KLHL29: variants seen among roughly 807,000 people sequenced by gnomAD.
KLHL29 encodes the protein kelch like family member 29.
KLHL29 carries 21 observed loss-of-function variants against 80.4 expected under a neutral mutation model. The ratio of observed to expected loss-of-function variants is 0.26; its 90% CI spans 0.19 to 0.38. The LOEUF is 0.38. KLHL29 is among the 10% of genes least tolerant of loss of function. The pLI, the probability that KLHL29 is intolerant of heterozygous loss-of-function variation, is 1.00. For synonymous variants in KLHL29, 511 were observed against 526.8 expected (o/e 0.97, Z 0.41); for missense variants, 867 against 1,223.9 (o/e 0.71, Z 4.35).
intron 2 of KLHL29, among the ~76,000 whole-genome samples, chr2:23,548,088 T>TG (rs1187650332): frequency 1.3e-5 from 2 of 152,072 alleles, no homozygotes; most frequent in Non-Finnish European, 2.9e-5. Context: ...GGCAGGGCCC[T>TG]GGGGACACTG....
intron 2 of KLHL29, among the ~76,000 whole-genome samples, chr2:23,556,945 G>T (rs540324598): frequency 3.5e-4 from 54 of 152,310 alleles, no homozygotes; most frequent in Middle Eastern, 6.8e-3. Context: ...CCCCACCCAG[G>T]TTCGAGTCCT....
intron 1 of KLHL29, among the ~76,000 whole-genome samples, chr2:23,389,525 T>C (rs988293951): frequency 6.6e-6 from 1 of 151,246 alleles, no homozygotes; most frequent in African/African-American, 2.4e-5. Flanking sequence ...ATCCAGCCTT[T>C]AGTTGTGCTG....
chr2:23,542,168 C>G (rs1012197892), intron 2 of KLHL29, among the ~76,000 whole-genome samples: 36 of 152,206 alleles, frequency 2.4e-4, no homozygotes, highest in African/African-American at 8.4e-4. Flanking sequence ...AAAATAGCCT[C>G]TCAGAATTTA....
chr2:23,673,860 G>A (rs1670850238), intron 5 of KLHL29, among the ~76,000 whole-genome samples: 1 of 84,480 alleles, frequency 1.2e-5, no homozygotes, highest in African/African-American at 3.1e-5. Flanking sequence ...CCACACCCTT[G>A]TACCCACCAC....
chr2:23,666,270 C>T (rs1670550687), intron 5 of KLHL29, among the ~76,000 whole-genome samples: 1 of 152,200 alleles, frequency 6.6e-6, no homozygotes, highest in Non-Finnish European at 1.5e-5. Flanking sequence ...GTGCCTTTTC[C>T]AAGGCCGCCT....
chr2:23,665,071 G>A (rs781505940), intron 5 of KLHL29, among the ~76,000 whole-genome samples: 3 of 152,252 alleles, frequency 2.0e-5, no homozygotes, highest in Non-Finnish European at 4.4e-5. Context: ...GCTGGTGGCT[G>A]AGCTAGAGCC....
intron 8 of KLHL29, among the ~76,000 whole-genome samples, chr2:23,694,485 ACACTGAACATCTCATCCATCCACTCAAAC>A: frequency 6.6e-6 from 1 of 152,140 alleles, no homozygotes; most frequent in Non-Finnish European, 1.5e-5. Flanking sequence ...CTCTAAAAGC[ACACTGAACATCTCATCCATCCACTCAAAC>A]CCCTCCTCAG....
chr2:23,660,891 CGTGGT>C (rs1378172822), intron 5 of KLHL29, among the ~76,000 whole-genome samples: 1 of 152,010 alleles, frequency 6.6e-6, no homozygotes, highest in East Asian at 1.9e-4. Flanking sequence ...GTCAGCCAGG[CGTGGT>C]GGCAGGCGCC....
intron 3 of KLHL29, among the ~76,000 whole-genome samples, chr2:23,629,716 T>G (rs1452519973): frequency 1.3e-5 from 2 of 152,226 alleles, no homozygotes; most frequent in African/African-American, 4.8e-5. Context: ...AGGTATAGAC[T>G]TTGATGTTGG....
intron 2 of KLHL29, among the ~76,000 whole-genome samples, chr2:23,488,014 G>A (rs936171063): frequency 7.2e-5 from 11 of 152,186 alleles, no homozygotes; most frequent in Non-Finnish European, 1.5e-4. Flanking sequence ...GGCCAGTGAT[G>A]TGGTCAGGAC....
At position 23,658,829 on chromosome 2, in the gene KLHL29, C is replaced by T. The variant is rs570247688; in HGVS notation, c.940+15979C>T. 5.7e-4 allele frequency among the ~76,000 whole-genome samples: 87 copies of T among 152,296 alleles called. 4 individuals carry two copies. Among genetic ancestry groups the T allele is most frequent in the African/African-American group, 9.6e-5 (4 of 41,574 alleles). On this transcript the variant is annotated intron_variant, in intron 5 of 13. Coordinates refer to ENST00000486442, the MANE Select transcript of KLHL29 (RefSeq NM_052920.2). ...CCTTGCGCCGCTCAAATTGCTGGGC[C>T]GGTCAGAGGGCCTGGGAACCAGGTC...
At chr2:23,429,907 T>C (rs948922936) in intron 1 of KLHL29, among the ~76,000 whole-genome samples, 5 of 152,256 alleles carry the variant, frequency 3.3e-5, no homozygotes, top group African/African-American at 1.2e-4. Flanking sequence ...TCAATTTTTT[T>C]AATACTTGGC....
In KLHL29 at chr2:23,457,024, G is replaced by A. The variant is rs1288121124; in HGVS notation, c.-153-18536G>A. 6.6e-6 allele frequency among the ~76,000 whole-genome samples: 1 copy of A among 152,216 alleles called. No individual in the cohort carries two copies. The highest frequency in any genetic ancestry group is 1.5e-5 in the Non-Finnish European group (1 of 68,042). ...AGGGTGGCGGCATCTCAGGTGTCAG[G>A]GCCGGAGCAGCAGAGGTCGAGGCCT... On this transcript the variant is annotated intron_variant, in intron 1 of 13. Coordinates refer to ENST00000486442, the MANE Select transcript of KLHL29 (RefSeq NM_052920.2). The surrounding 1 kb of genome is among the most constrained non-coding windows in gnomAD (Gnocchi z 4.3).
At position 23,642,530 on chromosome 2, in the gene KLHL29, C is replaced by T; in HGVS notation, c.620C>T (p.Pro207Leu). The change falls in exon 5 of 14, where the codon CCT becomes CTT. Residue 207 changes from proline to leucine, a missense_variant. Physicochemically the swap from Pro to Leu is moderately conservative, Grantham distance 98. Transcript: ENST00000486442. Reference protein sequence around the residue: ...LPLMPGHYSLPQPPSQPLSSV... With the variant: ...LPLMPGHYSLLQPPSQPLSSV... ...CTGATGCCAGGCCACTACTCGCTCC[C>T]TCAGCCGCCCTCTCAGCCACTGAGC... 1 of 1,537,598 alleles carries T rather than the reference C, an allele frequency of 6.5e-7. No individual in the cohort carries two copies.
intron 4 of KLHL29, among the ~76,000 whole-genome samples, chr2:23,640,208 C>T (rs1283442324): frequency 6.6e-6 from 1 of 152,212 alleles, no homozygotes; most frequent in African/African-American, 2.4e-5. Context: ...CTCTTAGACA[C>T]CAGCTTCTGT....
intron 3 of KLHL29, among the ~76,000 whole-genome samples, chr2:23,626,233 G>A (rs1669305346): frequency 1.3e-5 from 2 of 152,192 alleles, no homozygotes; most frequent in Admixed American, 1.3e-4. Context: ...GGAATCTCAT[G>A]CCGCCACTGA....
intron 1 of KLHL29, among the ~76,000 whole-genome samples, chr2:23,462,029 A>G (rs754756334): frequency 1.3e-5 from 2 of 149,860 alleles, no homozygotes; most frequent in African/African-American, 2.5e-5. Flanking sequence ...AACCTAATAG[A>G]AGGGGCTGCA....
chr2:23,388,843 T>G (rs1356805071), intron 1 of KLHL29, among the ~76,000 whole-genome samples: 2 of 133,872 alleles, frequency 1.5e-5, no homozygotes, highest in South Asian at 2.2e-4. Flanking sequence ...TGTACATGGG[T>G]TTTTTTTTTC....
At chr2:23,675,819 T>G (rs1201166973) in intron 5 of KLHL29, among the ~76,000 whole-genome samples, 1 of 152,186 alleles carries the variant, frequency 6.6e-6, no homozygotes, top group African/African-American at 2.4e-5. Flanking sequence ...GGGGCTTGAC[T>G]TTTACATTCT....
Sources: gnomAD v4.1 joint callset for allele counts (sites outside exome capture counted in the v4.1 genomes callset) on GRCh38, gnomAD v4.1.1 for gene constraint, Gnocchi (gnomAD v3.1) non-coding constraint, MANE v1.5 for transcripts, NCBI Gene and HGNC (gene_info 2026-07-23, HGNC 2026-07-21) for gene names.